PCDHA8: variants seen among roughly 807,000 people sequenced by gnomAD.
PCDHA8 encodes protocadherin alpha-8.
PCDHA8 carries 53 observed loss-of-function variants against 61.8 expected under a neutral mutation model. The ratio of observed to expected loss-of-function variants is 0.86; its 90% CI spans 0.69 to 1.08. The LOEUF (loss-of-function observed/expected upper bound fraction) is 1.08. PCDHA8 is among the 50% of genes least tolerant of loss of function. The pLI is 0.00. For missense variants in PCDHA8, 1,293 were observed against 1,245.0 expected, an observed-to-expected ratio of 1.04 and a Z score of -0.58; for synonymous variants, 618 against 556.6, an observed-to-expected ratio of 1.11 and a Z score of -1.55.
intron 1 of PCDHA8, among the ~76,000 whole-genome samples, chr5:140,893,669 C>T (rs1204530639): frequency 6.6e-6 from 1 of 152,158 alleles, no homozygotes; most frequent in African/African-American, 2.4e-5. Flanking sequence ...AAAATTTCAG[C>T]ACTTTGGATA....
intron 1 of PCDHA8, among the ~76,000 whole-genome samples, chr5:140,913,052 A>G (rs1554195709): frequency 6.6e-6 from 1 of 151,874 alleles, no homozygotes; most frequent in African/African-American, 2.4e-5. Context: ...CTGGAGTTTT[A>G]TTTTATTTTG....
intron 1 of PCDHA8, chr5:140,854,421 A>T (rs1331549600): frequency 1.3e-5 from 2 of 151,624 alleles, no homozygotes; most frequent in Admixed American, 1.3e-4. Flanking sequence ...TAATCTCTAA[A>T]ATCAGAATTT....
At chr5:140,908,895 G>A (rs1381470212) in intron 1 of PCDHA8, among the ~76,000 whole-genome samples, 1 of 152,158 alleles carries the variant, frequency 6.6e-6, no homozygotes, top group Non-Finnish European at 1.5e-5. Flanking sequence ...TCCCAAATAA[G>A]CCTCTTTCGT....
chr5:140,952,006 T>C (rs2094672029), intron 1 of PCDHA8, among the ~76,000 whole-genome samples: 1 of 152,184 alleles, frequency 6.6e-6, no homozygotes, highest in African/African-American at 2.4e-5. Context: ...GAAAGAATTA[T>C]AGGCCCCATG....
intron 2 of PCDHA8, among the ~76,000 whole-genome samples, chr5:140,980,367 C>A (rs1245361324): frequency 2.6e-5 from 4 of 152,174 alleles, no homozygotes; most frequent in Non-Finnish European, 5.9e-5. Flanking sequence ...CGCGGTGGCT[C>A]ACACCTGTAA....
intron 1 of PCDHA8, chr5:140,882,865 A>G (rs1554175879): frequency 6.2e-7 from 1 of 1,614,248 alleles, no homozygotes; most frequent in Non-Finnish European, 8.5e-7. Context: ...TGAGGAAAAC[A>G]CTGGACAGAG....
chr5:141,003,684 A>C (rs1425078507), intron 3 of PCDHA8, among the ~76,000 whole-genome samples: 1 of 152,240 alleles, frequency 6.6e-6, no homozygotes, highest in Non-Finnish European at 1.5e-5. Flanking sequence ...TTCTGATTTT[A>C]AAATATATCC....
At chr5:140,854,274 T>A in intron 1 of PCDHA8, 1 of 562,280 alleles carries the variant, frequency 1.8e-6, no homozygotes, top group Non-Finnish European at 2.3e-6. Context: ...TAGTAGAAAT[T>A]GAGTTTAGTT....
intron 1 of PCDHA8, chr5:140,850,952 A>G (rs890565160): frequency 1.3e-6 from 2 of 1,495,360 alleles, no homozygotes; most frequent in South Asian, 1.3e-5. Context: ...ATTATCGATT[A>G]CTCCCAGGGG....
Position 140,927,496 on chromosome 5 carries a change from G to C in PCDHA8, c.2395-51453G>C, listed in dbSNP as rs1206944698. On this transcript the variant is annotated intron_variant, in intron 1 of 3. Transcript: ENST00000531613. ...CGAACAGCGCGCCACCCACCTGCTG[G>C]TGCTTACAGCTCGGGACGGCGGGCT... The C allele has an allele frequency of 3.7e-6, 6 of 1,614,026 alleles. No homozygotes were observed. The highest frequency in any genetic ancestry group is 5.1e-6 in the Non-Finnish European group (6 of 1,180,054).
intron 1 of PCDHA8, chr5:140,883,717 C>A (rs926863988): frequency 6.2e-7 from 1 of 1,613,614 alleles, no homozygotes. Context: ...AGGACGCGGA[C>A]GCACAGGAGA....
At chr5:140,917,653 G>A (rs1400141765) in intron 1 of PCDHA8, among the ~76,000 whole-genome samples, 1 of 152,160 alleles carries the variant, frequency 6.6e-6, no homozygotes, top group Non-Finnish European at 1.5e-5. Flanking sequence ...GCAATATTGA[G>A]TAGGAAGTCC....
chr5:140,987,149 G>A (rs1380803903), intron 3 of PCDHA8, among the ~76,000 whole-genome samples: 1 of 151,884 alleles, frequency 6.6e-6, no homozygotes, highest in African/African-American at 2.4e-5. Context: ...GGGAGGTGGA[G>A]GTTGCAGTGA....
intron 1 of PCDHA8, among the ~76,000 whole-genome samples, chr5:140,950,672 C>A (rs76583571): frequency 0.016 from 2,473 of 152,120 alleles, 63 homozygotes; most frequent in African/African-American, 0.055. Context: ...CAAACATGTA[C>A]ATGTATATTG....
intron 1 of PCDHA8, chr5:140,852,664 G>A (rs1307508258): frequency 4.1e-6 from 4 of 964,750 alleles, no homozygotes; most frequent in African/African-American, 1.8e-5. Flanking sequence ...CTGTCTATCA[G>A]CACAACTCAC....
intron 1 of PCDHA8, chr5:140,966,642 GA>G (rs1563353190): frequency 3.1e-5 from 35 of 1,117,790 alleles, no homozygotes; most frequent in Non-Finnish European, 4.1e-5. Context: ...GCGCTTTCTA[GA>G]GCGTGAGCGG....
intron 1 of PCDHA8, among the ~76,000 whole-genome samples, chr5:140,890,239 C>G (rs1398307605): frequency 6.6e-6 from 1 of 151,982 alleles, no homozygotes; most frequent in African/African-American, 2.4e-5. Context: ...AAGCATTTAC[C>G]AGTACACTAC....
chr5:140,850,892 G>A (rs2041866822), intron 1 of PCDHA8: 1 of 1,577,404 alleles, frequency 6.3e-7, no homozygotes, highest in South Asian at 1.1e-5. Flanking sequence ...CTGGGAAGGT[G>A]GGTTTTTCTA....
chr5:140,916,242 T>A (rs1554197354), intron 1 of PCDHA8, among the ~76,000 whole-genome samples: 1 of 152,208 alleles, frequency 6.6e-6, no homozygotes, highest in Non-Finnish European at 1.5e-5. Flanking sequence ...AGCCAAAGCC[T>A]GGACTTGGGG....
Sources: allele counts gnomAD v4.1 joint callset (sites outside exome capture counted in the v4.1 genomes callset), GRCh38; gene constraint gnomAD v4.1.1; transcripts MANE v1.5; gene names NCBI Gene and HGNC (gene_info 2026-07-23, HGNC 2026-07-21).